The following CRAT variants were observed in gnomAD, a reference collection of about 807,000 sequenced individuals.
The protein encoded by CRAT is carnitine acetylase.
CRAT carries 66 observed loss-of-function variants against 73.7 expected under a neutral mutation model. That is an observed-to-expected ratio of 0.90 (90% CI 0.73 to 1.10). CRAT has a LOEUF of 1.10. CRAT is among the 50% of genes least tolerant of loss of function. The pLI, the probability that CRAT is intolerant of heterozygous loss-of-function variation, is 0.00. For missense variants in CRAT, 745 were observed against 846.9 expected (o/e 0.88, Z 1.49); for synonymous variants, 321 against 343.2 (o/e 0.94, Z 0.71).
Position 129,103,283 on chromosome 9 carries a change from G to A in CRAT, c.411-217C>T, listed in dbSNP as rs553921549. On this transcript the variant is annotated intron_variant, in intron 3 of 13. Coordinates refer to ENST00000318080, the MANE Select transcript of CRAT (RefSeq NM_000755.5). The surrounding 1 kb of genome is among the most constrained non-coding windows in gnomAD (Gnocchi z 4.6). ...AGAGGGAGCATGGTCGGGAGGGCTC[G>A]GGGAAGTGCTGGTGGCCAAGGGCCT... 3.3e-5 allele frequency among the ~76,000 whole-genome samples: 5 copies of A among 152,258 alleles called. No individual in the cohort carries two copies. The highest frequency in any genetic ancestry group is 9.6e-5 in the African/African-American group (4 of 41,530).
rs982262940 is a variant in CRAT at position 129,095,259 on chromosome 9, C to T, written c.*138G>A. ...GGGCCTGCAGGCCCCCTGGAGGATG[C>T]GGTCCGTGGCTCAGTAGATTTGGGG... On this transcript the variant is annotated 3_prime_UTR_variant, in exon 14 of 14. Transcript: ENST00000318080. 26 of 930,882 alleles carry T rather than the reference C, an allele frequency of 2.8e-5. No homozygotes were observed. Among genetic ancestry groups the T allele is most frequent in the Non-Finnish European group, 3.7e-5 (23 of 627,644 alleles). 57.7% of individuals were successfully genotyped at this position (930,882 alleles called of 1,614,324 possible).
rs2274478 is a variant in CRAT at position 129,097,988 on chromosome 9, C to T, written c.1464+25G>A. On this transcript the variant is annotated intron_variant, in intron 11 of 13. Transcript: ENST00000318080. ...GAGGGAGGGGCTCAGGCCCAGCTCACCCACCCTCGCCCCAGACCTCTCACC... is the reference window on the plus strand; with the variant it reads ...GAGGGAGGGGCTCAGGCCCAGCTCATCCACCCTCGCCCCAGACCTCTCACC... 8.3e-3 allele frequency: 13,371 copies of T among 1,607,722 alleles called. 832 individuals are homozygous for T. The African/African-American group carries it at 0.14, about 17-fold the overall frequency.
At chr9:129,100,741 A>G (rs1489043756) in intron 6 of CRAT, 52 bp from the exon 7 acceptor site, 2 of 1,564,952 alleles carry the variant, frequency 1.3e-6, no homozygotes, top group South Asian at 2.4e-5. Flanking sequence ...ATGGTGTGGG[A>G]GAGATGGACC....
chr9:129,098,478 C>G, intron 9 of CRAT, 53 bp downstream of exon 9: 1 of 1,589,414 alleles, frequency 6.3e-7, no homozygotes, highest in Non-Finnish European at 8.6e-7. Flanking sequence ...CTCTCAAGCT[C>G]AAGGGCCTGG....
chr9:129,100,593 C>T lies in CRAT; in HGVS notation c.902G>A (p.Arg301His), dbSNP rs775390429. ...CAGCATCTGGCCTGCCACGTGGCTG[C>T]GGTACACGTCTTCTGAGACCCTGGG... ...TMPRVSEDVY[R>H]SHVAGQMLHG... is the part of the protein sequence containing the mutation. The change falls in exon 7 of 14, where the codon CGC (arginine) becomes CAC (histidine). Residue 301 changes from arginine (R) to histidine (H), a missense_variant. By Grantham distance (29) the Arg-to-His change is conservative. Coordinates refer to ENST00000318080, the MANE Select transcript of CRAT (RefSeq NM_000755.5). 13 of 1,613,926 alleles carry T rather than the reference C, an allele frequency of 8.1e-6. No homozygotes were observed. The highest frequency in any genetic ancestry group is 6.7e-5 in the East Asian group (3 of 44,898).
Position 129,095,120 on chromosome 9 carries a change from C to A in CRAT, c.*277G>T. On this transcript the variant is annotated 3_prime_UTR_variant, in exon 14 of 14. Coordinates refer to ENST00000318080, the MANE Select transcript of CRAT (RefSeq NM_000755.5). ...GGCTGGTTCCCTTCCCCAGAGGAGG[C>A]ACCGGTGGAGGACGTGCCAGGGGCC... The A allele has an allele frequency of 4.0e-6, 2 of 506,170 alleles. No homozygotes were observed. Among genetic ancestry groups the A allele is most frequent in the Non-Finnish European group, 3.6e-6 (1 of 280,376 alleles). 31.4% of individuals were successfully genotyped at this position (506,170 alleles called of 1,614,324 possible).
rs1199654490 is a variant in CRAT, at chr9:129,107,619, C to T, written c.291+195G>A. On this transcript the variant is annotated intron_variant, in intron 2 of 13. Transcript: ENST00000318080. The surrounding 1 kb of genome is among the most constrained non-coding windows in gnomAD (Gnocchi z 5.0). ...CCTGTTCATTACCTTTCTCTCCTCC[C>T]TACTTGAATGTTAGCTCCAAGGAGC... is the stretch of plus-strand genomic sequence containing the variant. 3.0e-5 allele frequency: 23 copies of T among 776,034 alleles called. No homozygotes were observed. The highest frequency in any genetic ancestry group is 2.8e-4 in the Admixed American group (14 of 50,050). 48.1% of individuals were successfully genotyped at this position (776,034 alleles called of 1,614,324 possible).
At chr9:129,096,271 A>C (rs1847276978) in intron 12 of CRAT, 136 bp from the exon 13 acceptor site, 1 of 1,157,080 alleles carries the variant, frequency 8.6e-7, no homozygotes, top group African/African-American at 1.5e-5. Context: ...TTCTGGCCAG[A>C]GAGAGCCTTC....
chr9:129,102,371 G>C (rs1469845940), intron 5 of CRAT, 29 bp downstream of exon 5: 1 of 1,613,552 alleles, frequency 6.2e-7, no homozygotes, highest in Non-Finnish European at 8.5e-7. Context: ...CAGGGCCGGG[G>C]CTTGTAGGTG....
In CRAT at chr9:129,099,765, G is replaced by T; in HGVS notation, c.1085+101C>A. 5.3e-6 allele frequency: 5 copies of T among 944,478 alleles called. No homozygotes were observed. The South Asian group carries it at 6.9e-5, about 13-fold the overall frequency. 58.5% of individuals were successfully genotyped at this position (944,478 alleles called of 1,614,324 possible). A position where few individuals can be genotyped will look rare whatever the true frequency, so the allele number is the denominator to read the frequency against. Reference sequence around the variant, plus strand: ...TCCTTGGAAAAAAACAGATTCCCAGGCACAAAGGAGAGTGATATTTCTCTA... The same window carrying T: ...TCCTTGGAAAAAAACAGATTCCCAGTCACAAAGGAGAGTGATATTTCTCTA... On this transcript the variant is annotated intron_variant, in intron 8 of 13. Coordinates refer to ENST00000318080, the MANE Select transcript of CRAT (RefSeq NM_000755.5).
chr9:129,102,142 C>CTGGCCT (rs1847713414), intron 5 of CRAT, 85 bp from the exon 6 acceptor site: 7 of 1,464,988 alleles, frequency 4.8e-6, no homozygotes, highest in Non-Finnish European at 6.5e-6. Context: ...CTGCCTCCTC[C>CTGGCCT]TGGCCTTGGC....
chr9:129,109,242 G>A (rs1235165893), intron 1 of CRAT: 4 of 1,304,072 alleles, frequency 3.1e-6, no homozygotes, highest in Non-Finnish European at 4.0e-6. Context: ...GAGACTGCCT[G>A]GCCGCTGAGG....
At chr9:129,109,081 G>A in intron 1 of CRAT, 2 of 1,278,652 alleles carry the variant, frequency 1.6e-6, no homozygotes, top group South Asian at 1.3e-5. Context: ...GCTAGTGGGG[G>A]GGCATTCCAG....
intron 12 of CRAT, 110 bp from the exon 13 acceptor site, chr9:129,096,245 C>A: frequency 7.3e-7 from 1 of 1,370,454 alleles, no homozygotes; most frequent in South Asian, 1.2e-5. Context: ...CCACTCAAAA[C>A]CACAAGACCA....
chr9:129,100,694 A>T lies in CRAT; in HGVS notation c.806-5T>A, dbSNP rs577357097. 2 of 1,612,390 alleles carry T rather than the reference A, an allele frequency of 1.2e-6. No individual in the cohort carries two copies. The highest frequency in any genetic ancestry group is 2.2e-5 in the South Asian group (2 of 90,954). On this transcript the variant is annotated splice_region_variant and splice_polypyrimidine_tract_variant and intron_variant, in intron 6 of 13. Transcript: ENST00000318080. ...CGGAATCCCGGTTCACCTTGTCTGC[A>T]GGTGGCATGGGGCGGGGAGACGCAA... is the stretch of plus-strand genomic sequence containing the variant.
Position 129,098,546 on chromosome 9 carries a change from T to C in CRAT, c.1190A>G (p.Lys397Arg). 6.2e-7 allele frequency: 1 copy of C among 1,607,966 alleles called. No homozygotes were observed. The highest frequency in any genetic ancestry group is 8.5e-7 in the Non-Finnish European group (1 of 1,178,134). Residue 397 changes from lysine (K) to arginine (R), a missense_variant, in exon 9 of 14, where the codon AAG becomes AGG. Transcript: ENST00000318080. ...PEIKSDIEKA[K>R]QNLSIMIQDL... is the part of the protein sequence containing the mutation. ...AGGCACTTACATGCTGAGGTTCTGC[T>C]TGGCCTTCTCGATGTCGCTCTTGAT...
At position 129,110,656 on chromosome 9, in the gene CRAT, G is replaced by A; in HGVS notation, c.-147C>T. On this transcript the variant is annotated 5_prime_UTR_variant, in exon 1 of 14. Coordinates refer to ENST00000318080, the MANE Select transcript of CRAT (RefSeq NM_000755.5). The surrounding 1 kb of genome is among the most constrained non-coding windows in gnomAD (Gnocchi z 5.3). ...GAGTTACAGCCGCCAGCCGGTAGAGGCAGCCCCGCGCCCACCCTCTGGGCC... is the reference window on the plus strand; with the variant it reads ...GAGTTACAGCCGCCAGCCGGTAGAGACAGCCCCGCGCCCACCCTCTGGGCC... The A allele has an allele frequency of 1.0e-6, 1 of 986,012 alleles. No homozygotes were observed. The highest frequency in any genetic ancestry group is 1.4e-6 in the Non-Finnish European group (1 of 718,422). 61.1% of individuals were successfully genotyped at this position (986,012 alleles called of 1,614,324 possible).
rs2296770 is a variant in CRAT at position 129,095,481 on chromosome 9, G to A, written c.1797C>T (p.Asn599=). ...LSAYNSCAET[N]AARLAHYLEK... ...CCAGGTAATGCGCCAGGCGGGCGGCGTTGGTCTCCGCGCAGCTGTTGTAGG... is the reference window on the plus strand; with the variant it reads ...CCAGGTAATGCGCCAGGCGGGCGGCATTGGTCTCCGCGCAGCTGTTGTAGG... Residue 599 remains asparagine (N), a synonymous_variant, in exon 14 of 14, where the codon AAC becomes AAT. Transcript: ENST00000318080. The A allele has an allele frequency of 4.5e-4, 732 of 1,613,482 alleles. 9 individuals are homozygous for A. The East Asian group carries it at 0.013, about 29-fold the overall frequency.
Position 129,098,046 on chromosome 9 carries a change from G to C in CRAT, c.1431C>G (p.Thr477=). ...TGGAGTCATCCATGGCCTTGACAAA[G>C]GTGAGTGAGTCCATGGAAGCCGAGC... ...TIRSASMDSL[T]FVKAMDDSSV... Residue 477 remains threonine, a synonymous_variant, in exon 11 of 14, where the codon ACC becomes ACG. Transcript: ENST00000318080. 6.2e-7 allele frequency: 1 copy of C among 1,614,046 alleles called. No individual in the cohort carries two copies. The highest frequency in any genetic ancestry group is 2.2e-5 in the East Asian group (1 of 44,888).
Sources: gnomAD v4.1 joint callset for allele counts (sites outside exome capture counted in the v4.1 genomes callset) on GRCh38, gnomAD v4.1.1 for gene constraint, Gnocchi (gnomAD v3.1) non-coding constraint, MANE v1.5 for transcripts, NCBI Gene and HGNC (gene_info 2026-07-23, HGNC 2026-07-21) for gene names.